Variants in SMARCB1 observed in about 807,000 individuals in gnomAD.
The protein encoded by SMARCB1 is SWI/SNF related BAF chromatin remodeling complex subunit B1.
In SMARCB1, 5 loss-of-function variants were observed where a neutral mutation model predicts 49.0. That is an observed-to-expected ratio of 0.10 (90% CI 0.05 to 0.21). The LOEUF (loss-of-function observed/expected upper bound fraction) is 0.21. Among genes scored for constraint, SMARCB1 ranks in the 10% least tolerant of loss-of-function variants. The pLI is 1.00. For synonymous variants in SMARCB1, 201 were observed against 200.1 expected (o/e 1.00, Z -0.04); for missense variants, 226 against 509.2 (o/e 0.44, Z 5.35).
rs2031239435 is a variant in SMARCB1, at chr22:23,837,993, C to T, written c.*3813C>T. ...TCAAGATGAGCCAGTCCAATAAAGG[C>T]GACACACTCCACGGGCTTCAGGTCC... On this transcript the variant is annotated 3_prime_UTR_variant, in exon 9 of 9. Coordinates refer to ENST00000644036, the MANE Select transcript of SMARCB1 (RefSeq NM_003073.5). The T allele has an allele frequency of 8.1e-7, 1 of 1,234,364 alleles. No individual in the cohort carries two copies. The highest frequency in any genetic ancestry group is 1.1e-6 in the Non-Finnish European group (1 of 909,138). 76.5% of individuals were successfully genotyped at this position (1,234,364 alleles called of 1,614,324 possible).
intron 5 of SMARCB1, among the ~76,000 whole-genome samples, chr22:23,812,818 C>T (rs936806395): frequency 1.3e-5 from 2 of 151,548 alleles, no homozygotes; most frequent in South Asian, 2.1e-4. Flanking sequence ...AGGAAACTTC[C>T]TCCATTTAGT....
chr22:23,831,601 G>C (rs2030659906), intron 7 of SMARCB1, among the ~76,000 whole-genome samples: 1 of 152,116 alleles, frequency 6.6e-6, no homozygotes, highest in Admixed American at 6.5e-5. Flanking sequence ...TGGTTGGTGC[G>C]AGCATTTCTT....
chr22:23,803,088 C>G (rs956590748), intron 4 of SMARCB1: 10 of 668,548 alleles, frequency 1.5e-5, no homozygotes, highest in Non-Finnish European at 2.4e-5. Flanking sequence ...CAGACTGGTG[C>G]TTGTTATTTA....
intron 6 of SMARCB1, 85 bp from the exon 7 acceptor site, chr22:23,825,140 C>A (rs1465220870): frequency 4.4e-6 from 5 of 1,143,630 alleles, no homozygotes; most frequent in Non-Finnish European, 6.6e-6. Flanking sequence ...GGGCAGGGCC[C>A]ACCCCAGGCC....
rs2031140748 is a variant in SMARCB1 at position 23,837,259 on chromosome 22, C to T, written c.*3079C>T. ...TCCACAGCCTGGTGGCCCTGCAGGC[C>T]CCACAGCATGAGTGCCCCAAAGCCT... On this transcript the variant is annotated 3_prime_UTR_variant, in exon 9 of 9. Coordinates refer to ENST00000644036, the MANE Select transcript of SMARCB1 (RefSeq NM_003073.5). 7.1e-7 allele frequency: 1 copy of T among 1,407,226 alleles called. No homozygotes were observed. Among genetic ancestry groups the T allele is most frequent in the African/African-American group, 1.4e-5 (1 of 69,258 alleles). The allele number at this position is 1,407,226 out of a possible 1,614,324, so 87.2% of individuals were successfully genotyped here.
In SMARCB1 at chr22:23,803,394, G is replaced by A. The variant is rs2145983026; in HGVS notation, c.600G>A (p.Leu200=). ...ACATGGAGATCGATGGGCAGAAGCTGCGAGACGCCTTCACCTGGAACATGA... is the reference window on the plus strand; with the variant it reads ...ACATGGAGATCGATGGGCAGAAGCTACGAGACGCCTTCACCTGGAACATGA... ...RLDMEIDGQK[L]RDAFTWNMNE... Residue 200 remains leucine (L), a synonymous_variant, in exon 5 of 9, where the codon CTG becomes CTA. Coordinates refer to ENST00000644036, the MANE Select transcript of SMARCB1 (RefSeq NM_003073.5). 1 of 1,614,202 alleles carries A rather than the reference G, an allele frequency of 6.2e-7. No homozygotes were observed. The highest frequency in any genetic ancestry group is 1.1e-5 in the South Asian group (1 of 91,092).
At chr22:23,830,156 T>C (rs545433020) in intron 7 of SMARCB1, among the ~76,000 whole-genome samples, 1 of 152,360 alleles carries the variant, frequency 6.6e-6, no homozygotes, top group African/African-American at 2.4e-5. Context: ...GTTTTCAATT[T>C]TCTTGGATAT....
At chr22:23,809,138 A>G (rs1459094492) in intron 5 of SMARCB1, among the ~76,000 whole-genome samples, 44 of 151,624 alleles carry the variant, frequency 2.9e-4, no homozygotes, top group Non-Finnish European at 5.9e-4. Flanking sequence ...CAGCCAAATG[A>G]TGGTAGATTT....
rs985803587 is a variant in SMARCB1, at chr22:23,824,876, G to C, written c.796-349G>C. On this transcript the variant is annotated intron_variant, in intron 6 of 8. Transcript: ENST00000644036. The stretch of plus-strand genomic sequence containing the variant: ...AGCCCTGCCTTTCTGGTGTAGTCAC[G>C]TAAGACCGATGGCAGCAGGAGCGAA... 1.5e-5 allele frequency: 6 copies of C among 400,294 alleles called. No individual in the cohort carries two copies. The East Asian group carries it at 2.1e-4, about 14-fold the overall frequency. The allele number at this position is 400,294 out of a possible 1,614,324, so 24.8% of individuals were successfully genotyped here.
In SMARCB1 at chr22:23,835,720, T is replaced by C. The variant is rs907452207; in HGVS notation, c.*1540T>C. 3 of 985,374 alleles carry C rather than the reference T, an allele frequency of 3.0e-6. No individual in the cohort carries two copies. The highest frequency in any genetic ancestry group is 3.6e-6 in the Non-Finnish European group (3 of 829,964). The allele number at this position is 985,374 out of a possible 1,614,324, so 61.0% of individuals were successfully genotyped here. A position where few individuals can be genotyped will look rare whatever the true frequency, so the allele number is the denominator to read the frequency against. On this transcript the variant is annotated 3_prime_UTR_variant, in exon 9 of 9. Coordinates refer to ENST00000644036, the MANE Select transcript of SMARCB1 (RefSeq NM_003073.5). ...GGTTTCATTGCTGAGGTGTTTGTTCTGTCCATGAGGTAGGAACCTCGGCAA... is the reference window on the plus strand; with the variant it reads ...GGTTTCATTGCTGAGGTGTTTGTTCCGTCCATGAGGTAGGAACCTCGGCAA...
At chr22:23,816,976 C>T (rs1188218340) in intron 6 of SMARCB1, 40 bp downstream of exon 6, 3 of 1,576,390 alleles carry the variant, frequency 1.9e-6, no homozygotes, top group African/African-American at 2.7e-5. Flanking sequence ...CTTCCTGGCC[C>T]TCAGGGTGGG....
At position 23,837,537 on chromosome 22, in the gene SMARCB1, G is replaced by T; in HGVS notation, c.*3357G>T. ...ACAGCAGCTGGGAGGGCAGGAAGAT[G>T]GGGATGGAGCCAGGTGTGAGGAGAA... On this transcript the variant is annotated 3_prime_UTR_variant, in exon 9 of 9. Coordinates refer to ENST00000644036, the MANE Select transcript of SMARCB1 (RefSeq NM_003073.5). The T allele has an allele frequency of 1.9e-6, 2 of 1,037,970 alleles. No individual in the cohort carries two copies. Among genetic ancestry groups the T allele is most frequent in the East Asian group, 2.6e-5 (1 of 38,274 alleles). The allele number at this position is 1,037,970 out of a possible 1,614,324, so 64.3% of individuals were successfully genotyped here.
Position 23,825,269 on chromosome 22 carries a change from G to A in SMARCB1, c.840G>A (p.Glu280=), listed in dbSNP as rs753334172. The change falls in exon 7 of 9, where the codon GAG becomes GAA. Residue 280 remains glutamate, a synonymous_variant. Coordinates refer to ENST00000644036, the MANE Select transcript of SMARCB1 (RefSeq NM_003073.5). ...VGNISLVDQF[E]WDMSEKENSP... ...ACATTTCCCTGGTGGACCAGTTTGAGTGGGACATGTCAGAGAAGGAGAACT... is the reference window on the plus strand; with the variant it reads ...ACATTTCCCTGGTGGACCAGTTTGAATGGGACATGTCAGAGAAGGAGAACT... The A allele has an allele frequency of 1.6e-5, 26 of 1,614,090 alleles. No individual in the cohort carries two copies. The South Asian group carries it at 1.6e-4, about 10-fold the overall frequency.
Position 23,832,181 on chromosome 22 carries a change from C to T in SMARCB1, c.987-1391C>T, listed in dbSNP as rs1315783064. On this transcript the variant is annotated intron_variant, in intron 7 of 8. Transcript: ENST00000644036. ...GGTGTGGATGTGCAGAGCCGGGACT[C>T]GCTCTGCAAGCAGGCTGGTCCCACA... Among the ~76,000 whole-genome samples the T allele has an allele frequency of 9.5e-5, 14 of 146,710 alleles. 1 individual carries two copies. The East Asian group carries it at 2.4e-3, about 25-fold the overall frequency.
Position 23,800,968 on chromosome 22 carries a change from C to T in SMARCB1, c.387C>T (p.Ser129=), listed in dbSNP as rs2145978189. Residue 129 remains serine, a synonymous_variant, in exon 4 of 9, where the codon AGC becomes AGT. Transcript: ENST00000644036. ...GGGAACAGAAGGCCAAGAGGAACAG[C>T]CAGTGGGTACCCACCCTGCCCAACA... is the stretch of plus-strand genomic sequence containing the variant. ...YLREQKAKRN[S]QWVPTLPNSS... The T allele has an allele frequency of 6.2e-7, 1 of 1,614,044 alleles. No homozygotes were observed. Among genetic ancestry groups the T allele is most frequent in the Non-Finnish European group, 8.5e-7 (1 of 1,179,892 alleles).
chr22:23,824,089 G>C (rs1014739764), intron 6 of SMARCB1: 1 of 152,394 alleles, frequency 6.6e-6, no homozygotes, highest in Non-Finnish European at 1.5e-5. Flanking sequence ...CTTAGACCAG[G>C]ATGCTGAGAA....
At chr22:23,794,918 C>G (rs975833534) in intron 3 of SMARCB1, among the ~76,000 whole-genome samples, 1 of 151,768 alleles carries the variant, frequency 6.6e-6, no homozygotes, top group Non-Finnish European at 1.5e-5. Context: ...AAAAACAAAA[C>G]AAAACTTAGA....
chr22:23,830,382 T>C (rs1032443668), intron 7 of SMARCB1, among the ~76,000 whole-genome samples: 30 of 152,238 alleles, frequency 2.0e-4, no homozygotes, highest in Non-Finnish European at 3.7e-4. Flanking sequence ...TTTGCATTTT[T>C]CTAATGACTG....
intron 7 of SMARCB1, among the ~76,000 whole-genome samples, chr22:23,827,692 G>A (rs1372048259): frequency 1.3e-5 from 2 of 152,196 alleles, no homozygotes; most frequent in Admixed American, 6.5e-5. Flanking sequence ...CGGCCTGCCT[G>A]GGGAACTGGG....
Sources: allele counts gnomAD v4.1 joint callset (sites outside exome capture counted in the v4.1 genomes callset), GRCh38; gene constraint gnomAD v4.1.1; transcripts MANE v1.5; gene names NCBI Gene and HGNC (gene_info 2026-07-23, HGNC 2026-07-21).